Variants in IMPA2 observed in about 807,000 individuals in gnomAD.
The protein encoded by IMPA2 is inositol monophosphatase 2, also known as IMP 2.
IMPA2 carries 32 observed loss-of-function variants against 35.1 expected under a neutral mutation model. The observed-to-expected ratio is 0.91, with a 90% CI of 0.69 to 1.23. IMPA2 has a LOEUF of 1.23. Ranked by LOEUF, IMPA2 falls within the 50% of genes most tolerant of loss-of-function variation. The probability of loss-of-function intolerance (pLI) is 0.00; values close to 1 mark genes in which losing one functional copy is unlikely to be tolerated. For missense variants in IMPA2, 334 were observed against 387.6 expected, an observed-to-expected ratio of 0.86 and a Z score of 1.16; for synonymous variants, 135 against 160.6, an observed-to-expected ratio of 0.84 and a Z score of 1.20.
intron 1 of IMPA2, among the ~76,000 whole-genome samples, chr18:11,984,721 A>C (rs1364327565): frequency 6.6e-6 from 1 of 151,348 alleles, no homozygotes; most frequent in Non-Finnish European, 1.5e-5. Flanking sequence ...TAATCCCAGC[A>C]CTTTGGGAGG....
At chr18:12,009,125 A>G (rs1907361368) in intron 2 of IMPA2, among the ~76,000 whole-genome samples, 1 of 152,178 alleles carries the variant, frequency 6.6e-6, no homozygotes, top group Non-Finnish European at 1.5e-5. Context: ...AAAAATAAAA[A>G]TACTAGCTGA....
chr18:12,030,322 G>A, intron 7 of IMPA2, 21 bp from the exon 8 acceptor site: 1 of 1,597,436 alleles, frequency 6.3e-7, no homozygotes. Flanking sequence ...CGGATGCCTG[G>A]CTCTCTCTGT....
rs772926221 is a variant in IMPA2 at position 12,030,368 on chromosome 18, C to T, written c.777C>T (p.Cys259=). The part of the protein sequence containing the change: ...TSGGPLDLMA[C]RVVAASTREM... ...GTGGACCCCTCGACCTCATGGCTTG[C>T]AGAGTGGTTGCGGCCAGCACCCGGG... Residue 259 remains cysteine (C), a synonymous_variant, in exon 8 of 8, where the codon TGC becomes TGT. Transcript: ENST00000269159. 36 of 1,614,094 alleles carry T rather than the reference C, an allele frequency of 2.2e-5. 1 individual carries two copies. The Admixed American group carries it at 4.7e-4, about 21-fold the overall frequency.
At chr18:11,986,567 A>G (rs1045894695) in intron 1 of IMPA2, among the ~76,000 whole-genome samples, 2 of 152,024 alleles carry the variant, frequency 1.3e-5, no homozygotes, top group African/African-American at 2.4e-5. Context: ...CCGTGTCCCC[A>G]CTTGTCCATC....
rs1430833793 is a variant in IMPA2 at position 12,030,728 on chromosome 18, C to G, written c.*270C>G. ...TCTGTCAGGGCCAAAACTCAAATCTCCTGTGAAATACGTATTGATAATCCA... is the reference window on the plus strand; with the variant it reads ...TCTGTCAGGGCCAAAACTCAAATCTGCTGTGAAATACGTATTGATAATCCA... On this transcript the variant is annotated 3_prime_UTR_variant, in exon 8 of 8. Coordinates refer to ENST00000269159, the MANE Select transcript of IMPA2 (RefSeq NM_014214.3). The G allele has an allele frequency of 7.0e-6, 3 of 429,010 alleles. No individual in the cohort carries two copies. The highest frequency in any genetic ancestry group is 6.1e-5 in the African/African-American group (3 of 49,444). The allele number at this position is 429,010 out of a possible 1,614,324, so 26.6% of individuals were successfully genotyped here. A position where few individuals can be genotyped will look rare whatever the true frequency, so the allele number is the denominator to read the frequency against.
chr18:12,010,108 C>T lies in IMPA2; in HGVS notation c.335+121C>T. On this transcript the variant is annotated intron_variant, in intron 3 of 7. Coordinates refer to ENST00000269159, the MANE Select transcript of IMPA2 (RefSeq NM_014214.3). The surrounding 1 kb of genome is among the most constrained non-coding windows in gnomAD (Gnocchi z 4.8). ...TATATAAACAAACCTATAGTACACT[C>T]ATAGTCTCATCAGAAAGATGATCAG... is the stretch of plus-strand genomic sequence containing the variant. The T allele has an allele frequency of 1.6e-6, 1 of 615,590 alleles. No individual in the cohort carries two copies. The highest frequency in any genetic ancestry group is 2.9e-6 in the Non-Finnish European group (1 of 349,832). 38.1% of individuals were successfully genotyped at this position (615,590 alleles called of 1,614,324 possible).
At chr18:11,999,006 G>A (rs760833026) in intron 1 of IMPA2, 48 bp from the exon 2 acceptor site, 1 of 1,532,238 alleles carries the variant, frequency 6.5e-7, no homozygotes, top group East Asian at 2.6e-5. Flanking sequence ...CTTTGCCTGG[G>A]AGGAGGATGT....
chr18:12,004,877 G>T (rs761245662), intron 2 of IMPA2, among the ~76,000 whole-genome samples: 124 of 152,108 alleles, frequency 8.2e-4, no homozygotes, highest in Non-Finnish European at 1.6e-3. Flanking sequence ...AGGTCTTTAT[G>T]ATTTCACACA....
intron 2 of IMPA2, among the ~76,000 whole-genome samples, chr18:12,001,386 G>A (rs112384493): frequency 4.6e-5 from 7 of 152,048 alleles, no homozygotes; most frequent in African/African-American, 9.7e-5. Flanking sequence ...GTGATGATCC[G>A]TGTGGCCGTG....
At chr18:12,028,533 A>C (rs778867509) in intron 6 of IMPA2, 15 of 451,070 alleles carry the variant, frequency 3.3e-5, no homozygotes, top group Non-Finnish European at 1.2e-5. Flanking sequence ...AGCCCTAGCC[A>C]TGTGAGACCA....
In IMPA2 at chr18:12,030,424, A is replaced by T. The variant is rs766238181; in HGVS notation, c.833A>T (p.Gln278Leu). The change falls in exon 8 of 8, where the codon CAG becomes CTG. Residue 278 changes from glutamine to leucine, a missense_variant. Coordinates refer to ENST00000269159, the MANE Select transcript of IMPA2 (RefSeq NM_014214.3). ...EMAMLIAQAL[Q>L]TINYGRDDEK ...GCGATGCTCATAGCTCAGGCCTTACAGACGATTAACTATGGGCGGGATGAT... is the reference window on the plus strand; with the variant it reads ...GCGATGCTCATAGCTCAGGCCTTACTGACGATTAACTATGGGCGGGATGAT... The T allele has an allele frequency of 6.2e-7, 1 of 1,614,178 alleles. No individual in the cohort carries two copies. Among genetic ancestry groups the T allele is most frequent in the Admixed American group, 1.7e-5 (1 of 60,028 alleles).
intron 1 of IMPA2, chr18:11,994,303 G>A (rs1189230127): frequency 3.3e-5 from 5 of 152,208 alleles, no homozygotes; most frequent in African/African-American, 1.2e-4. Context: ...TTGAGTTCAG[G>A]AGGTCAAGAC....
chr18:11,982,304 C>T (rs906418753), intron 1 of IMPA2, among the ~76,000 whole-genome samples: 5 of 152,218 alleles, frequency 3.3e-5, no homozygotes, highest in South Asian at 2.1e-4. Flanking sequence ...AAAACCGAGC[C>T]GCAGAGCTAC....
Position 12,028,882 on chromosome 18 carries a change from C to T in IMPA2, c.640C>T (p.Leu214=). The change falls in exon 7 of 8, where the codon CTG becomes TTG. Residue 214 remains leucine (L), a synonymous_variant. Transcript: ENST00000269159. ...AAGCTCCACATTGGCACTCTGCCAC[C>T]TGGCCTCAGGGGCCGCGGATGCCTA... ...IGSSTLALCH[L]ASGAADAYYQ... 1 of 1,614,210 alleles carries T rather than the reference C, an allele frequency of 6.2e-7. No individual in the cohort carries two copies. Among genetic ancestry groups the T allele is most frequent in the East Asian group, 2.2e-5 (1 of 44,878 alleles).
intron 5 of IMPA2, among the ~76,000 whole-genome samples, chr18:12,018,641 C>A (rs760914886): frequency 9.2e-5 from 14 of 152,014 alleles, no homozygotes; most frequent in Non-Finnish European, 1.6e-4. Flanking sequence ...TACATTTTAA[C>A]GTGAATAATA....
At chr18:12,024,019 CTG>C (rs1398572398) in intron 5 of IMPA2, among the ~76,000 whole-genome samples, 1 of 152,102 alleles carries the variant, frequency 6.6e-6, no homozygotes, top group Non-Finnish European at 1.5e-5. Flanking sequence ...ATCAGTATGA[CTG>C]TATAAACCTC....
intron 1 of IMPA2, among the ~76,000 whole-genome samples, chr18:11,996,452 C>T (rs1906960743): frequency 6.6e-6 from 1 of 152,176 alleles, no homozygotes; most frequent in Non-Finnish European, 1.5e-5. Context: ...GCCACCCTTG[C>T]AGGTAGCTTT....
intron 2 of IMPA2, among the ~76,000 whole-genome samples, chr18:12,003,109 C>T (rs59082529): frequency 6.6e-6 from 1 of 151,672 alleles, no homozygotes; most frequent in Non-Finnish European, 1.5e-5. Context: ...GCAGGAGAAT[C>T]GCTTGAACCT....
chr18:11,998,645 G>A (rs1330083844), intron 1 of IMPA2, among the ~76,000 whole-genome samples: 1 of 152,202 alleles, frequency 6.6e-6, no homozygotes, highest in Non-Finnish European at 1.5e-5. Flanking sequence ...GGGCACAGGT[G>A]TGTAACATGA....
Sources: allele counts gnomAD v4.1 joint callset (sites outside exome capture counted in the v4.1 genomes callset), GRCh38; gene constraint gnomAD v4.1.1; non-coding constraint Gnocchi (gnomAD v3.1); transcripts MANE v1.5; gene names NCBI Gene and HGNC (gene_info 2026-07-23, HGNC 2026-07-21).